PIBF1: variants seen among roughly 807,000 people sequenced by gnomAD.
The protein encoded by PIBF1 is progesterone-induced-blocking factor 1.
In PIBF1, 90 loss-of-function variants were observed where a neutral mutation model predicts 112.5. That is an observed-to-expected ratio of 0.80 (90% CI 0.67 to 0.95). The LOEUF is 0.95. PIBF1 is among the 40% of genes least tolerant of loss of function. PIBF1 has a pLI of 0.00. For synonymous variants in PIBF1, 301 were observed against 288.6 expected (o/e 1.04, Z -0.44); for missense variants, 915 against 852.3 (o/e 1.07, Z -0.92).
Position 72,832,175 on chromosome 13 carries a change from G to A in PIBF1, c.1098-3068G>A, listed in dbSNP as rs150622334. Among the ~76,000 whole-genome samples, 1,021 of 136,446 alleles carry A rather than the reference G, an allele frequency of 7.5e-3. 14 individuals are homozygous for A. The highest frequency in any genetic ancestry group is 0.026 in the African/African-American group (985 of 37,392). 89.5% of individuals were successfully genotyped at this position (136,446 alleles called of 152,430 possible). On this transcript the variant is annotated intron_variant, in intron 8 of 17. Transcript: ENST00000326291. ...CTATATGTGTCTTTGCAAATGAGATGTGTCTCCTGAATACAGCACACTCAT... is the reference window on the plus strand; with the variant it reads ...CTATATGTGTCTTTGCAAATGAGATATGTCTCCTGAATACAGCACACTCAT...
Position 72,972,048 on chromosome 13 carries a change from A to ATTTATTTT in PIBF1, c.1965-1540_1965-1539insATTTTTTT, listed in dbSNP as rs959326644. ...TATTTATTTATTTATTTATTTATTT[A>ATTTATTTT]TTTTTTGAGAGAGCCTCACTCTGTC... On this transcript the variant is annotated intron_variant, in intron 15 of 17. Coordinates refer to ENST00000326291, the MANE Select transcript of PIBF1 (RefSeq NM_006346.4). Among the ~76,000 whole-genome samples the ATTTATTTT allele has an allele frequency of 1.6e-3, 191 of 116,990 alleles. 1 individual carries two copies. Among genetic ancestry groups the ATTTATTTT allele is most frequent in the African/African-American group, 5.1e-3 (183 of 35,666 alleles). The allele number at this position is 116,990 out of a possible 152,430, so 76.7% of individuals were successfully genotyped here.
chr13:72,920,842 G>C (rs568704572), intron 13 of PIBF1, among the ~76,000 whole-genome samples: 1 of 151,976 alleles, frequency 6.6e-6, no homozygotes, highest in East Asian at 1.9e-4. Context: ...AACTTAAGGC[G>C]AATGATAAAA....
intron 14 of PIBF1, among the ~76,000 whole-genome samples, chr13:72,953,625 G>A (rs1183889441): frequency 6.6e-6 from 1 of 152,182 alleles, no homozygotes; most frequent in Non-Finnish European, 1.5e-5. Flanking sequence ...GCCAGCAGTA[G>A]CAGTAATGTA....
intron 10 of PIBF1, among the ~76,000 whole-genome samples, chr13:72,891,612 A>G (rs2040060138): frequency 6.6e-6 from 1 of 152,112 alleles, no homozygotes; most frequent in African/African-American, 2.4e-5. Context: ...GCTGATGGGA[A>G]TGTAAAATGG....
chr13:73,001,733 C>T (rs542160097), intron 17 of PIBF1, among the ~76,000 whole-genome samples: 1 of 151,666 alleles, frequency 6.6e-6, no homozygotes, highest in African/African-American at 2.4e-5. Flanking sequence ...AAGTGATTCT[C>T]CTGCCTCATC....
chr13:72,835,275 T>A lies in PIBF1; in HGVS notation c.1130T>A (p.Leu377Gln), dbSNP rs1207946120. 6.3e-7 allele frequency: 1 copy of A among 1,583,132 alleles called. No homozygotes were observed. The highest frequency in any genetic ancestry group is 8.6e-7 in the Non-Finnish European group (1 of 1,167,434). The part of the protein sequence containing the change: ...DHYKTEYENK[L>Q]HDELEQIRLK... Reference sequence around the variant, plus strand: ...TATAAAACAGAATATGAAAATAAACTACATGATGAACTAGAACAAATCAGA... The same window carrying A: ...TATAAAACAGAATATGAAAATAAACAACATGATGAACTAGAACAAATCAGA... Residue 377 changes from leucine (L) to glutamine (Q), a missense_variant, in exon 9 of 18, where the codon CTA becomes CAA. Physicochemically the swap from Leu to Gln is moderately radical, Grantham distance 113 (BLOSUM62 -2). Coordinates refer to ENST00000326291, the MANE Select transcript of PIBF1 (RefSeq NM_006346.4).
At chr13:72,992,493 G>T (rs9530129) in intron 16 of PIBF1, among the ~76,000 whole-genome samples, 3 of 151,924 alleles carry the variant, frequency 2.0e-5, no homozygotes, top group African/African-American at 7.3e-5. Flanking sequence ...ACAAATTATC[G>T]CATCCACGTA....
At chr13:73,009,141 G>A (rs11841381) in intron 17 of PIBF1, among the ~76,000 whole-genome samples, 29,910 of 152,084 alleles carry the variant, frequency 0.2, 3,012 homozygotes, top group East Asian at 0.25. Context: ...CATTTTAAGC[G>A]GGAAGCGAGA....
intron 14 of PIBF1, among the ~76,000 whole-genome samples, chr13:72,940,496 A>G (rs997598901): frequency 2.6e-5 from 4 of 152,100 alleles, no homozygotes; most frequent in Non-Finnish European, 5.9e-5. Context: ...GCTGCCTTCA[A>G]TAAATTTGAA....
At chr13:72,936,168 A>AG (rs900009854) in intron 14 of PIBF1, among the ~76,000 whole-genome samples, 4 of 151,948 alleles carry the variant, frequency 2.6e-5, no homozygotes, top group African/African-American at 9.7e-5. Context: ...CCCAAATACT[A>AG]GGACTGCAGT....
intron 10 of PIBF1, among the ~76,000 whole-genome samples, chr13:72,893,057 A>T (rs2040121515): frequency 6.6e-6 from 1 of 152,210 alleles, no homozygotes; most frequent in African/African-American, 2.4e-5. Context: ...CATACCCAGC[A>T]TTATACTTGG....
intron 10 of PIBF1, among the ~76,000 whole-genome samples, chr13:72,886,345 A>G (rs2039852381): frequency 6.6e-6 from 1 of 151,968 alleles, no homozygotes; most frequent in South Asian, 2.1e-4. Flanking sequence ...GGTTCGGAGG[A>G]TAATTCAAGC....
intron 17 of PIBF1, among the ~76,000 whole-genome samples, chr13:72,999,242 TG>T (rs1171646612): frequency 2.0e-5 from 3 of 151,952 alleles, no homozygotes; most frequent in Admixed American, 2.0e-4. Context: ...TGAAATGCAT[TG>T]TTAGCTAAAA....
chr13:72,832,658 C>A (rs1406000373), intron 8 of PIBF1, among the ~76,000 whole-genome samples: 1 of 152,168 alleles, frequency 6.6e-6, no homozygotes, highest in Non-Finnish European at 1.5e-5. Context: ...GGGCGTCCTT[C>A]CCTTTGTGCA....
intron 5 of PIBF1, among the ~76,000 whole-genome samples, chr13:72,810,944 C>A (rs909550372): frequency 1.3e-5 from 2 of 151,770 alleles, no homozygotes; most frequent in African/African-American, 2.4e-5. Context: ...GCAAGCTCCG[C>A]CCCCCAGGTT....
chr13:72,845,473 A>G (rs1398813414), intron 9 of PIBF1, among the ~76,000 whole-genome samples: 1 of 152,162 alleles, frequency 6.6e-6, no homozygotes, highest in Non-Finnish European at 1.5e-5. Flanking sequence ...TTTTTATAGT[A>G]GAGTGATTTA....
chr13:72,897,306 A>G (rs1333410289), intron 11 of PIBF1, among the ~76,000 whole-genome samples: 1 of 152,248 alleles, frequency 6.6e-6, no homozygotes. Flanking sequence ...AAGGAGCTCT[A>G]AATCTTGAAA....
At chr13:72,876,856 A>G (rs981267162) in intron 10 of PIBF1, among the ~76,000 whole-genome samples, 6 of 152,168 alleles carry the variant, frequency 3.9e-5, no homozygotes, top group Non-Finnish European at 8.8e-5. Context: ...AAACAGTCAT[A>G]TCATCTGCAT....
chr13:73,005,055 C>CTT (rs2043989735), intron 17 of PIBF1, among the ~76,000 whole-genome samples: 1 of 152,000 alleles, frequency 6.6e-6, no homozygotes, highest in East Asian at 1.9e-4. Context: ...CGTGGTGGTG[C>CTT]ATGCCTGTAA....
Sources: allele counts gnomAD v4.1 joint callset (sites outside exome capture counted in the v4.1 genomes callset), GRCh38; gene constraint gnomAD v4.1.1; transcripts MANE v1.5; gene names NCBI Gene and HGNC (gene_info 2026-07-23, HGNC 2026-07-21).